Variants in CASZ1 observed in about 807,000 individuals in gnomAD.
The protein encoded by CASZ1 is zinc finger protein castor homolog 1.
Under a neutral mutation model 135.2 loss-of-function variants are expected in CASZ1, and 28 were observed. The ratio of observed to expected loss-of-function variants is 0.21; its 90% CI spans 0.15 to 0.28. CASZ1 has a LOEUF of 0.28. Ranked by LOEUF, CASZ1 falls within the 10% of genes least tolerant of loss-of-function variation. The probability of loss-of-function intolerance (pLI) is 1.00; values close to 1 mark genes in which losing one functional copy is unlikely to be tolerated. For missense variants in CASZ1, 2,161 were observed against 2,453.3 expected (o/e 0.88, Z 2.52); for synonymous variants, 1,068 against 1,073.4 (o/e 0.99, Z 0.10).
intron 11 of CASZ1, chr1:10,652,335 C>A (rs1357870162): frequency 6.6e-6 from 1 of 152,308 alleles, no homozygotes; most frequent in Admixed American, 6.5e-5. Flanking sequence ...CCGGGACAGA[C>A]CATCCCTGAC....
chr1:10,685,018 C>A (rs1557504459), intron 4 of CASZ1, among the ~76,000 whole-genome samples: 1 of 152,260 alleles, frequency 6.6e-6, no homozygotes, highest in Non-Finnish European at 1.5e-5. Context: ...TTGCCTGAAA[C>A]CCTTGCATTT....
At chr1:10,645,982 T>C in intron 17 of CASZ1, 146 bp downstream of exon 17, 2 of 792,138 alleles carry the variant, frequency 2.5e-6, no homozygotes, top group Non-Finnish European at 4.2e-6. Context: ...CAGATGGTGC[T>C]CTTTCCAGAG....
rs1339769696 is a variant in CASZ1, at chr1:10,721,949, G to A, written c.-76-16405C>T. ...ACCTGTCTCTTCCTGTGTTTCTCCT[G>A]CTGTATCTTTTACCTTGAGCACCTG... is the stretch of plus-strand genomic sequence containing the variant. On this transcript the variant is annotated intron_variant, in intron 2 of 20. Transcript: ENST00000377022. The surrounding 1 kb of genome is among the most constrained non-coding windows in gnomAD (Gnocchi z 5.4). Among the ~76,000 whole-genome samples, 1 of 152,246 alleles carries A rather than the reference G, an allele frequency of 6.6e-6. No individual in the cohort carries two copies. The highest frequency in any genetic ancestry group is 1.5e-5 in the Non-Finnish European group (1 of 68,034).
rs1036215752 is a variant in CASZ1, at chr1:10,747,232, G to A, written c.-77+13469C>T. Among the ~76,000 whole-genome samples, 1 of 152,224 alleles carries A rather than the reference G, an allele frequency of 6.6e-6. No individual in the cohort carries two copies. The highest frequency in any genetic ancestry group is 1.5e-5 in the Non-Finnish European group (1 of 68,034). On this transcript the variant is annotated intron_variant, in intron 2 of 20. Coordinates refer to ENST00000377022, the MANE Select transcript of CASZ1 (RefSeq NM_001079843.3). The surrounding 1 kb of genome is among the most constrained non-coding windows in gnomAD (Gnocchi z 4.3). ...TAGGCCACCTGAGACTAAGGGTGGG[G>A]CTGGGAAGCAAAGGGGAAGCCGTCC... is the stretch of plus-strand genomic sequence containing the variant.
rs144310260 is a variant in CASZ1 at position 10,637,807 on chromosome 1, A to G, written c.*1135T>C. On this transcript the variant is annotated 3_prime_UTR_variant, in exon 21 of 21. Coordinates refer to ENST00000377022, the MANE Select transcript of CASZ1 (RefSeq NM_001079843.3). ...AGCGAAGAAGCATCCCAAACAAAGT[A>G]ATAAAACAAACTGGAAAAAAAAAAA... 2 of 145,358 alleles carry G rather than the reference A, an allele frequency of 1.4e-5. No individual in the cohort carries two copies. Among genetic ancestry groups the G allele is most frequent in the African/African-American group, 2.6e-5 (1 of 37,762 alleles). 9.0% of individuals were successfully genotyped at this position (145,358 alleles called of 1,614,324 possible).
intron 1 of CASZ1, among the ~76,000 whole-genome samples, chr1:10,786,125 C>T (rs894725719): frequency 6.6e-6 from 1 of 152,224 alleles, no homozygotes; most frequent in Non-Finnish European, 1.5e-5. Flanking sequence ...TCAACTCACA[C>T]TGGCAGAGGC....
At position 10,657,957 on chromosome 1, in the gene CASZ1, G is replaced by A. The variant is rs940651260; in HGVS notation, c.1409+551C>T. ...GAAGTGCATTGGGCTGTGTCAGAGA[G>A]GACGACAGCCCACACCTTCTCTCTC... On this transcript the variant is annotated intron_variant, in intron 7 of 20. Transcript: ENST00000377022. This position sits in a 1 kb window ranked among gnomAD's most constrained non-coding sequence, Gnocchi z 5.7. 2 of 153,740 alleles carry A rather than the reference G, an allele frequency of 1.3e-5. No homozygotes were observed. Among genetic ancestry groups the A allele is most frequent in the African/African-American group, 2.4e-5 (1 of 41,366 alleles). 9.5% of individuals were successfully genotyped at this position (153,740 alleles called of 1,614,324 possible). A position where few individuals can be genotyped will look rare whatever the true frequency, so the allele number is the denominator to read the frequency against.
Position 10,642,884 on chromosome 1 carries a change from G to A in CASZ1, c.4137C>T (p.Pro1379=), listed in dbSNP as rs115628512. The change falls in exon 20 of 21, where the codon CCC becomes CCT. Residue 1379 remains proline, a synonymous_variant. Transcript: ENST00000377022. ...CTGCCGCGGTGCTCTCGTTACCCAC[G>A]GGGGTGCTGGAGCAGCTCCGGTCCA... ...STMDRSCSST[P]VGNESTAAGN... is the part of the protein sequence containing the mutation. The A allele has an allele frequency of 2.5e-3, 4,095 of 1,612,902 alleles. 102 individuals carry two copies. The African/African-American group carries it at 0.048, about 19-fold the overall frequency.
chr1:10,709,934 C>T lies in CASZ1; in HGVS notation c.-76-4390G>A, dbSNP rs1020863697. ...GCCTGGGCCCCGGACCAGGGAGGGG[C>T]GGTGGGGGTGGCTGTCCAGACCCCG... On this transcript the variant is annotated intron_variant, in intron 2 of 20. Transcript: ENST00000377022. The surrounding 1 kb of genome is among the most constrained non-coding windows in gnomAD (Gnocchi z 5.1). 1.6e-4 allele frequency among the ~76,000 whole-genome samples: 24 copies of T among 152,228 alleles called. No individual in the cohort carries two copies. The East Asian group carries it at 3.3e-3, about 21-fold the overall frequency.
intron 4 of CASZ1, among the ~76,000 whole-genome samples, chr1:10,681,045 C>T (rs1202939002): frequency 1.3e-5 from 2 of 151,790 alleles, no homozygotes; most frequent in South Asian, 4.1e-4. Context: ...GGATTACAGG[C>T]GCCTGCCACC....
intron 11 of CASZ1, chr1:10,651,368 C>T (rs1642578336): frequency 3.9e-6 from 1 of 254,884 alleles, no homozygotes; most frequent in Non-Finnish European, 7.4e-6. Flanking sequence ...TCATTTTCTC[C>T]ACCAACTGTC....
chr1:10,669,749 G>A (rs2100311766), intron 4 of CASZ1, among the ~76,000 whole-genome samples: 1 of 152,140 alleles, frequency 6.6e-6, no homozygotes, highest in Middle Eastern at 3.4e-3. Context: ...AGAGTTGCTT[G>A]TCCTGCCTCA....
Position 10,653,948 on chromosome 1 carries a change from C to G in CASZ1, c.2109G>C (p.Leu703=). ...CGCCCAGCAGCGAGGGCGGCAGCCC[C>G]AGCGCGCCCGAGGAGCGGATGTGCC... ...ERRHIRSSGA[L]GLPPSLLGAK... The change falls in exon 11 of 21, where the codon CTG becomes CTC. Residue 703 remains leucine (L), a synonymous_variant. Transcript: ENST00000377022. 6.2e-7 allele frequency: 1 copy of G among 1,613,648 alleles called. No individual in the cohort carries two copies. The highest frequency in any genetic ancestry group is 8.5e-7 in the Non-Finnish European group (1 of 1,179,768).
chr1:10,660,990 G>A (rs1643004573), intron 5 of CASZ1: 1 of 201,882 alleles, frequency 5.0e-6, no homozygotes, highest in African/African-American at 2.4e-5. Context: ...CCCAGGGGTG[G>A]GGAAGATGCT....
intron 12 of CASZ1, 54 bp downstream of exon 12, chr1:10,650,887 C>T: frequency 6.2e-7 from 1 of 1,605,868 alleles, no homozygotes; most frequent in Non-Finnish European, 8.5e-7. Flanking sequence ...CCCCGGGGCT[C>T]CAGCTCGAAG....
intron 20 of CASZ1, among the ~76,000 whole-genome samples, chr1:10,642,546 G>A (rs1642240092): frequency 6.6e-6 from 1 of 152,044 alleles, no homozygotes; most frequent in African/African-American, 2.4e-5. Context: ...GGGCAGGACC[G>A]GCGCTGGGCC....
At chr1:10,789,184 T>C (rs1345835239) in intron 1 of CASZ1, among the ~76,000 whole-genome samples, 2 of 116,522 alleles carry the variant, frequency 1.7e-5, no homozygotes, top group African/African-American at 3.3e-5. Flanking sequence ...AAGACAGGGC[T>C]GTTCCCATCA....
intron 1 of CASZ1, among the ~76,000 whole-genome samples, chr1:10,791,835 A>T (rs1640961647): frequency 6.6e-6 from 1 of 152,140 alleles, no homozygotes. Flanking sequence ...TTAATTACTT[A>T]TGTGAGCTAT....
rs926706774 is a variant in CASZ1, at chr1:10,719,961, C to T, written c.-76-14417G>A. Reference sequence around the variant, plus strand: ...TGGTGCCTGAACACAGGTCCTCCGACAGCACCAGGGTGCGGTGTGTTTGCG... The same window carrying T: ...TGGTGCCTGAACACAGGTCCTCCGATAGCACCAGGGTGCGGTGTGTTTGCG... On this transcript the variant is annotated intron_variant, in intron 2 of 20. Transcript: ENST00000377022. The surrounding 1 kb of genome is among the most constrained non-coding windows in gnomAD (Gnocchi z 4.0). 6.6e-6 allele frequency among the ~76,000 whole-genome samples: 1 copy of T among 152,232 alleles called. No homozygotes were observed. Among genetic ancestry groups the T allele is most frequent in the African/African-American group, 2.4e-5 (1 of 41,462 alleles).
Sources: allele counts gnomAD v4.1 joint callset (sites outside exome capture counted in the v4.1 genomes callset), GRCh38; gene constraint gnomAD v4.1.1; non-coding constraint Gnocchi (gnomAD v3.1); transcripts MANE v1.5; gene names NCBI Gene and HGNC (gene_info 2026-07-23, HGNC 2026-07-21).